Variants in SPANXN4 observed in about 807,000 individuals in gnomAD.
The protein encoded by SPANXN4 is SPANX family member N4, also known as sperm protein associated with the nucleus on the X chromosome N4.
A neutral mutation model predicts 6.0 loss-of-function variants in SPANXN4; 5 were observed. The observed-to-expected ratio is 0.83, with a 90% CI of 0.44 to 1.75. The LOEUF is 1.75. SPANXN4 is among the 40% of genes most tolerant of loss of function. The pLI is 0.02. For synonymous variants in SPANXN4, 45 were observed against 38.0 expected, an observed-to-expected ratio of 1.19 and a Z score of -0.68; for missense variants, 157 against 108.6, an observed-to-expected ratio of 1.45 and a Z score of -1.98.
chrX:143,032,396 G>T (rs958858687), intron 1 of SPANXN4, among the ~76,000 whole-genome samples: 2 of 110,286 alleles, frequency 1.8e-5, no homozygotes, highest in African/African-American at 6.6e-5. Flanking sequence ...AGAACGAAGA[G>T]GGGATGGAGG....
chrX:143,034,030 G>A, exon 2 of SPANXN4: 11 of 1,169,079 alleles, frequency 9.4e-6, no homozygotes, highest in African/African-American at 1.8e-5. Flanking sequence ...ACCAGAAGAA[G>A]AAGAATCTGC....
chrX:143,029,365 C>G (rs569212213), intron 1 of SPANXN4, among the ~76,000 whole-genome samples: 3 of 111,566 alleles, frequency 2.7e-5, no homozygotes, highest in African/African-American at 9.8e-5. Context: ...TGTTAACTCT[C>G]TTTCCGTTTG....
At chrX:143,029,573 C>T (rs1409050388) in intron 1 of SPANXN4, among the ~76,000 whole-genome samples, 2 of 110,754 alleles carry the variant, frequency 1.8e-5, no homozygotes, top group Non-Finnish European at 3.8e-5. Flanking sequence ...ATGTTGGAAG[C>T]GGGAGGAGAG....
chrX:143,026,388 C>A lies in SPANXN4; in HGVS notation c.78+296C>A, dbSNP rs116702805. Among the ~76,000 whole-genome samples the A allele has an allele frequency of 6.2e-3, 694 of 111,389 alleles. 6 individuals are homozygous for A. Among genetic ancestry groups the A allele is most frequent in the African/African-American group, 0.021 (644 of 30,609 alleles). On this transcript the variant is annotated intron_variant, in intron 1 of 2. Transcript: ENST00000370504. ...GTGTTGCTTGGACCTTTTTCCCCAA[C>A]AAGATATGATAGGGATGTTTTTTTA...
chrX:143,026,812 C>A (rs1932781591), intron 1 of SPANXN4, among the ~76,000 whole-genome samples: 1 of 110,900 alleles, frequency 9.0e-6, no homozygotes, highest in African/African-American at 3.3e-5. Flanking sequence ...ATACATGGGC[C>A]AATTGTAGTA....
At chrX:143,036,571 G>A (rs1210536732), downstream of SPANXN4, among the ~76,000 whole-genome samples, 1 of 111,773 alleles carries the variant, frequency 8.9e-6, no homozygotes, top group African/African-American at 3.2e-5. Context: ...ATGATCAATT[G>A]ACCATAGCTT....
At chrX:143,034,802 T>C, downstream of SPANXN4, 1 of 996,806 alleles carries the variant, frequency 1.0e-6, no homozygotes, top group Non-Finnish European at 1.3e-6. Flanking sequence ...ACTAGGGCGC[T>C]TGTTAAGAAA....
At chrX:143,033,763 C>G (rs1329607569) in intron 1 of SPANXN4, among the ~76,000 whole-genome samples, 1 of 111,474 alleles carries the variant, frequency 9.0e-6, no homozygotes, top group Non-Finnish European at 1.9e-5. Flanking sequence ...GCCTGAACCC[C>G]CATGGAATGT....
chrX:143,034,101 T>C, exon 2 of SPANXN4: 2 of 1,179,227 alleles, frequency 1.7e-6, no homozygotes, highest in Non-Finnish European at 2.3e-6. Flanking sequence ...TATCCAACAT[T>C]AGTGTTTTAC....
intron 1 of SPANXN4, among the ~76,000 whole-genome samples, chrX:143,030,813 G>A (rs1018886252): frequency 1.5e-4 from 17 of 111,318 alleles, no homozygotes; most frequent in African/African-American, 5.6e-4. Flanking sequence ...AGCCAGGATA[G>A]GCATGTTGTA....
intron 1 of SPANXN4, among the ~76,000 whole-genome samples, chrX:143,029,675 T>C (rs1236981743): frequency 1.8e-5 from 2 of 111,260 alleles, no homozygotes; most frequent in Admixed American, 1.9e-4. Flanking sequence ...TTTATATCTC[T>C]GGAAGGTGAT....
downstream of SPANXN4, among the ~76,000 whole-genome samples, chrX:143,034,948 A>T (rs1243602050): frequency 9.2e-6 from 1 of 109,027 alleles, no homozygotes; most frequent in Admixed American, 9.9e-5. Flanking sequence ...TTTTATCACC[A>T]CTTCCATACA....
chrX:143,028,833 A>C (rs2124363723), intron 1 of SPANXN4, among the ~76,000 whole-genome samples: 1 of 111,306 alleles, frequency 9.0e-6, no homozygotes, highest in Non-Finnish European at 1.9e-5. Flanking sequence ...GTTTAAGTGC[A>C]AAGGGAACAT....
chrX:143,037,664 T>C (rs959419180), downstream of SPANXN4, among the ~76,000 whole-genome samples: 1 of 111,762 alleles, frequency 8.9e-6, no homozygotes, highest in South Asian at 3.8e-4. Flanking sequence ...TGAATTATAA[T>C]TCCTATAATC....
Position 143,026,107 on chromosome X carries a change from T to C in SPANXN4, c.78+15T>C. ...AAGTTGACAAGGTCAGATTGTTAGG[T>C]TTTGAAGGGAAGGTGAGGGTGAAAG... On this transcript the variant is annotated intron_variant, in intron 1 of 2. Transcript: ENST00000370504. The C allele has an allele frequency of 8.4e-7, 1 of 1,188,605 alleles. No individual in the cohort carries two copies. Among genetic ancestry groups the C allele is most frequent in the Non-Finnish European group, 1.1e-6 (1 of 880,839 alleles).
downstream of SPANXN4, chrX:143,034,705 A>C (rs761605407): frequency 1.4e-4 from 155 of 1,129,404 alleles, no homozygotes; most frequent in Non-Finnish European, 1.8e-4. Context: ...GAAGGTCCTC[A>C]AAAGGAACAA....
intron 1 of SPANXN4, among the ~76,000 whole-genome samples, 181 bp downstream of exon 1, chrX:143,026,273 G>A (rs1176835143): frequency 9.0e-6 from 1 of 111,718 alleles, no homozygotes; most frequent in African/African-American, 3.3e-5. Context: ...GGAGAGGTTT[G>A]GGCAGTATGG....
downstream of SPANXN4, among the ~76,000 whole-genome samples, chrX:143,036,793 T>C (rs141342034): frequency 0.024 from 2,672 of 111,597 alleles, 26 homozygotes; most frequent in Admixed American, 0.026. Context: ...CTTGTCAATA[T>C]CTGCAAAAAA....
chrX:143,034,784 C>T (rs1932835232), downstream of SPANXN4: 2 of 1,024,864 alleles, frequency 2.0e-6, no homozygotes, highest in Non-Finnish European at 2.5e-6. Flanking sequence ...GGAGGACATG[C>T]TTCCAATACT....
Sources: gnomAD v4.1 joint callset for allele counts (sites outside exome capture counted in the v4.1 genomes callset) on GRCh38, gnomAD v4.1.1 for gene constraint, MANE v1.5 for transcripts, NCBI Gene and HGNC (gene_info 2026-07-23, HGNC 2026-07-21) for gene names.